ADAT2: variants seen among roughly 807,000 people sequenced by gnomAD.
ADAT2 encodes the protein tRNA-specific adenosine-34 deaminase catalytic subunit ADAT2.
In ADAT2, 26 loss-of-function variants were observed where a neutral mutation model predicts 25.9. That is an observed-to-expected ratio of 1.00 (90% CI 0.74 to 1.39). The LOEUF is 1.39. Ranked by LOEUF, ADAT2 falls within the 40% of genes most tolerant of loss-of-function variation. The pLI, the probability that ADAT2 is intolerant of heterozygous loss-of-function variation, is 0.00. For synonymous variants in ADAT2, 76 were observed against 86.8 expected (o/e 0.88, Z 0.69); for missense variants, 220 against 244.8 (o/e 0.90, Z 0.68).
rs1251733335 is a variant in ADAT2 at position 143,442,357 on chromosome 6, CAG to C, written c.97-3665_97-3664del. ...CATTTTTGAATTATAAAATTATAGA[CAG>C]AGAACAGATTAGAAGCTGCAGCTAT... On this transcript the variant is annotated intron_variant, in intron 1 of 5. Coordinates refer to ENST00000237283, the MANE Select transcript of ADAT2 (RefSeq NM_182503.3). The surrounding 1 kb of genome is among the most constrained non-coding windows in gnomAD (Gnocchi z 4.6). Among the ~76,000 whole-genome samples, 1 of 136,158 alleles carries C rather than the reference CAG, an allele frequency of 7.3e-6. No homozygotes were observed. The highest frequency in any genetic ancestry group is 2.0e-4 in the East Asian group (1 of 5,024). 89.3% of individuals were successfully genotyped at this position (136,158 alleles called of 152,430 possible). A position where few individuals can be genotyped will look rare whatever the true frequency, so the allele number is the denominator to read the frequency against.
At chr6:143,447,092 A>G (rs1167350633) in intron 1 of ADAT2, among the ~76,000 whole-genome samples, 1 of 152,220 alleles carries the variant, frequency 6.6e-6, no homozygotes, top group Non-Finnish European at 1.5e-5. Flanking sequence ...TGATAACCTT[A>G]TATGCTATCC....
At chr6:143,438,493 C>CTA in intron 2 of ADAT2, 97 bp downstream of exon 2, 1 of 862,802 alleles carries the variant, frequency 1.2e-6, no homozygotes, top group South Asian at 1.7e-5. Context: ...AGCTACGGGA[C>CTA]TATATTCAGT....
In ADAT2 at chr6:143,450,412, T is replaced by A. The variant is rs1370284988; in HGVS notation, c.96+151A>T. The A allele has an allele frequency of 5.0e-6, 4 of 796,406 alleles. No individual in the cohort carries two copies. In the African/African-American group the frequency reaches 5.2e-5, roughly 10 times the overall value. The allele number at this position is 796,406 out of a possible 1,614,324, so 49.3% of individuals were successfully genotyped here. A position where few individuals can be genotyped will look rare whatever the true frequency, so the allele number is the denominator to read the frequency against. On this transcript the variant is annotated intron_variant, in intron 1 of 5. Coordinates refer to ENST00000237283, the MANE Select transcript of ADAT2 (RefSeq NM_182503.3). ...CACTGTGAGAATGGGCTACAGAAAG[T>A]TTCGAGGCAGTAAAGCCAGTTGTTC...
intron 1 of ADAT2, among the ~76,000 whole-genome samples, chr6:143,441,247 TAA>T (rs1161179286): frequency 8.5e-5 from 13 of 152,122 alleles, no homozygotes; most frequent in African/African-American, 3.1e-4. Flanking sequence ...AAAAACATGC[TAA>T]AATAGGAAAA....
Position 143,446,787 on chromosome 6 carries a change from C to CTCAGCT in ADAT2, c.96+3770_96+3775dup, listed in dbSNP as rs747909451. ...AACTTTGGGGAAGTTACTGAACTTT[C>CTCAGCT]TCAGCTTCAATATCCCATCTGAAAA... is the stretch of plus-strand genomic sequence containing the variant. On this transcript the variant is annotated intron_variant, in intron 1 of 5. Coordinates refer to ENST00000237283, the MANE Select transcript of ADAT2 (RefSeq NM_182503.3). This position sits in a 1 kb window ranked among gnomAD's most constrained non-coding sequence, Gnocchi z 5.0. Among the ~76,000 whole-genome samples the CTCAGCT allele has an allele frequency of 2.4e-4, 36 of 151,908 alleles. No individual in the cohort carries two copies. The highest frequency in any genetic ancestry group is 3.5e-4 in the Non-Finnish European group (24 of 68,004).
intron 1 of ADAT2, among the ~76,000 whole-genome samples, chr6:143,445,227 T>A (rs771611219): frequency 1.3e-5 from 2 of 151,944 alleles, no homozygotes; most frequent in African/African-American, 4.8e-5. Flanking sequence ...CACCCTCCCA[T>A]TGGCCAACCG....
rs1430435635 is a variant in ADAT2, at chr6:143,437,130, T to C, written c.201+1460A>G. Among the ~76,000 whole-genome samples, 2 of 152,220 alleles carry C rather than the reference T, an allele frequency of 1.3e-5. No individual in the cohort carries two copies. Among genetic ancestry groups the C allele is most frequent in the Non-Finnish European group, 2.9e-5 (2 of 68,036 alleles). Reference sequence around the variant, plus strand: ...ATTTTCTATGCAGTGAACATGGTTATATATAAATCTGAATTGTCCAACTAC... The same window carrying C: ...ATTTTCTATGCAGTGAACATGGTTACATATAAATCTGAATTGTCCAACTAC... On this transcript the variant is annotated intron_variant, in intron 2 of 5. Coordinates refer to ENST00000237283, the MANE Select transcript of ADAT2 (RefSeq NM_182503.3). This position sits in a 1 kb window ranked among gnomAD's most constrained non-coding sequence, Gnocchi z 4.1.
At chr6:143,438,292 C>T (rs145883180) in intron 2 of ADAT2, among the ~76,000 whole-genome samples, 45 of 152,110 alleles carry the variant, frequency 3.0e-4, no homozygotes, top group East Asian at 2.9e-3. Flanking sequence ...AAATAAAATC[C>T]CCTCTTGGGT....
In ADAT2 at chr6:143,432,514, T is replaced by C. The variant is rs1779145052; in HGVS notation, c.450A>G (p.Arg150=). The part of the protein sequence containing the change: ...IASADLPNTG[R]PFQCIPGYRA... ...AAGCAGTTTGTATTACCTGAAATGG[T>C]CTCCCAGTGTTTGGTAGGTCAGCAG... Residue 150 remains arginine (R), a synonymous_variant, in exon 4 of 6, where the codon AGA becomes AGG. Coordinates refer to ENST00000237283, the MANE Select transcript of ADAT2 (RefSeq NM_182503.3). This position sits in a 1 kb window ranked among gnomAD's most constrained non-coding sequence, Gnocchi z 4.4. The C allele has an allele frequency of 6.2e-7, 1 of 1,613,922 alleles. No individual in the cohort carries two copies. The highest frequency in any genetic ancestry group is 8.5e-7 in the Non-Finnish European group (1 of 1,179,804).
rs1246676901 is a variant in ADAT2 at position 143,428,121 on chromosome 6, TG to T, written c.*341del. 4.0e-6 allele frequency: 1 copy of T among 247,940 alleles called. No homozygotes were observed. The highest frequency in any genetic ancestry group is 7.8e-6 in the Non-Finnish European group (1 of 128,592). The allele number at this position is 247,940 out of a possible 1,614,324, so 15.4% of individuals were successfully genotyped here. ...GCAGTCCAAACACACTCCAGGTCCCTGGGTCTGGCCACACATTCTCTAAGAA... is the reference window on the plus strand; with the variant it reads ...GCAGTCCAAACACACTCCAGGTCCCTGGTCTGGCCACACATTCTCTAAGAA... On this transcript the variant is annotated 3_prime_UTR_variant, in exon 6 of 6. Coordinates refer to ENST00000237283, the MANE Select transcript of ADAT2 (RefSeq NM_182503.3). The surrounding 1 kb of genome is among the most constrained non-coding windows in gnomAD (Gnocchi z 5.0).
rs1778887554 is a variant in ADAT2 at position 143,425,012 on chromosome 6, C to G, written c.*3451G>C. 2 of 152,242 alleles carry G rather than the reference C, an allele frequency of 1.3e-5. No individual in the cohort carries two copies. The highest frequency in any genetic ancestry group is 4.1e-4 in the South Asian group (2 of 4,826). 9.4% of individuals were successfully genotyped at this position (152,242 alleles called of 1,614,324 possible). A position where few individuals can be genotyped will look rare whatever the true frequency, so the allele number is the denominator to read the frequency against. ...ACCTTGGTGTGACGGCCTTTGTGTG[C>G]CTCCAGATGTGATATCCTGTGAGGA... is the stretch of plus-strand genomic sequence containing the variant. On this transcript the variant is annotated 3_prime_UTR_variant, in exon 6 of 6. Coordinates refer to ENST00000237283, the MANE Select transcript of ADAT2 (RefSeq NM_182503.3).
intron 1 of ADAT2, among the ~76,000 whole-genome samples, chr6:143,449,557 A>T (rs1213664866): frequency 6.6e-6 from 1 of 152,152 alleles, no homozygotes; most frequent in African/African-American, 2.4e-5. Context: ...AAAGGAAAAA[A>T]AGTACTTGTT....
In ADAT2 at chr6:143,428,963, T is replaced by G. The variant is rs1316709895; in HGVS notation, c.460-279A>C. ...AGTTACCAGCTTTGTGATCTTGGGT[T>G]AGGCACTTAAACTCTCCATGCCTTA... On this transcript the variant is annotated intron_variant, in intron 4 of 5. Coordinates refer to ENST00000237283, the MANE Select transcript of ADAT2 (RefSeq NM_182503.3). The surrounding 1 kb of genome is among the most constrained non-coding windows in gnomAD (Gnocchi z 5.0). Among the ~76,000 whole-genome samples, 1 of 152,234 alleles carries G rather than the reference T, an allele frequency of 6.6e-6. No homozygotes were observed. The highest frequency in any genetic ancestry group is 6.5e-5 in the Admixed American group (1 of 15,286).
At chr6:143,445,369 G>A (rs1779572328) in intron 1 of ADAT2, among the ~76,000 whole-genome samples, 1 of 152,024 alleles carries the variant, frequency 6.6e-6, no homozygotes, top group South Asian at 2.1e-4. Context: ...TTTATATATA[G>A]TTTCAGCGTT....
Position 143,426,187 on chromosome 6 carries a change from A to G in ADAT2, c.*2276T>C, listed in dbSNP as rs1264264768. Reference sequence around the variant, plus strand: ...TCTTGGACAGGCACTATCAGTATCAATCAATGGAATTCAAGCTGTTGAACT... The same window carrying G: ...TCTTGGACAGGCACTATCAGTATCAGTCAATGGAATTCAAGCTGTTGAACT... On this transcript the variant is annotated 3_prime_UTR_variant, in exon 6 of 6. Coordinates refer to ENST00000237283, the MANE Select transcript of ADAT2 (RefSeq NM_182503.3). The surrounding 1 kb of genome is among the most constrained non-coding windows in gnomAD (Gnocchi z 4.1). The G allele has an allele frequency of 1.3e-5, 2 of 152,260 alleles. No homozygotes were observed. The highest frequency in any genetic ancestry group is 3.8e-4 in the East Asian group (2 of 5,204). The allele number at this position is 152,260 out of a possible 1,614,324, so 9.4% of individuals were successfully genotyped here.
intron 3 of ADAT2, 109 bp downstream of exon 3, chr6:143,433,722 G>A: frequency 3.5e-6 from 4 of 1,153,818 alleles, no homozygotes; most frequent in Non-Finnish European, 4.7e-6. Context: ...ATTTTACAAG[G>A]TGTTTCCTAA....
rs187902093 is a variant in ADAT2 at position 143,423,816 on chromosome 6, T to C, written c.*4647A>G. On this transcript the variant is annotated 3_prime_UTR_variant, in exon 6 of 6. Transcript: ENST00000237283. ...TGAGAAATTTCATAGATATTGGGGA[T>C]GTGGGATTCTCTCTAAACTAGCTTA... 2.5e-4 allele frequency: 38 copies of C among 152,264 alleles called. No individual in the cohort carries two copies. The East Asian group carries it at 6.8e-3, about 27-fold the overall frequency. The allele number at this position is 152,264 out of a possible 1,614,324, so 9.4% of individuals were successfully genotyped here. A position where few individuals can be genotyped will look rare whatever the true frequency, so the allele number is the denominator to read the frequency against.
chr6:143,450,587 C>G lies in ADAT2; in HGVS notation c.72G>C (p.Lys24Asn), dbSNP rs776098874. ...ACSVSAEETE[K>N]WMEEAMHMAK... Reference sequence around the variant, plus strand: ...CCATGTGCATCGCCTCCTCCATCCACTTTTCGGTCTCCTCTGCCGACACCG... The same window carrying G: ...CCATGTGCATCGCCTCCTCCATCCAGTTTTCGGTCTCCTCTGCCGACACCG... Residue 24 changes from lysine (K) to asparagine (N), a missense_variant, in exon 1 of 6, where the codon AAG (lysine) becomes AAC (asparagine). Lys to Asn is a moderately conservative substitution (Grantham distance 94). Coordinates refer to ENST00000237283, the MANE Select transcript of ADAT2 (RefSeq NM_182503.3). 82 of 1,614,060 alleles carry G rather than the reference C, an allele frequency of 5.1e-5. No individual in the cohort carries two copies. Among genetic ancestry groups the G allele is most frequent in the Non-Finnish European group, 6.5e-5 (77 of 1,180,052 alleles).
chr6:143,433,366 GA>G (rs1779173825), intron 3 of ADAT2, among the ~76,000 whole-genome samples: 1 of 151,782 alleles, frequency 6.6e-6, no homozygotes, highest in African/African-American at 2.4e-5. Context: ...TATCATAAAG[GA>G]TTTCTTACTT....
Sources: allele counts gnomAD v4.1 joint callset (sites outside exome capture counted in the v4.1 genomes callset), GRCh38; gene constraint gnomAD v4.1.1; non-coding constraint Gnocchi (gnomAD v3.1); transcripts MANE v1.5; gene names NCBI Gene and HGNC (gene_info 2026-07-23, HGNC 2026-07-21).